The following ANAPC1 variants were observed in gnomAD, a reference collection of about 807,000 sequenced individuals.
The protein encoded by ANAPC1 is anaphase-promoting complex subunit 1.
Under a neutral mutation model 208.0 loss-of-function variants are expected in ANAPC1, and 36 were observed. The ratio of observed to expected loss-of-function variants is 0.17; its 90% CI spans 0.13 to 0.23. The LOEUF (loss-of-function observed/expected upper bound fraction) is 0.23. Ranked by LOEUF, ANAPC1 falls within the 10% of genes least tolerant of loss-of-function variation. ANAPC1 has a pLI of 1.00. For missense variants in ANAPC1, 942 were observed against 2,011.6 expected, an observed-to-expected ratio of 0.47 and a Z score of 10.17; for synonymous variants, 378 against 695.2, an observed-to-expected ratio of 0.54 and a Z score of 7.18.
intron 46 of ANAPC1, among the ~76,000 whole-genome samples, chr2:111,776,009 T>G (rs1370622585): frequency 6.6e-6 from 1 of 152,042 alleles, no homozygotes; most frequent in Non-Finnish European, 1.5e-5. Context: ...TTTAATTTTT[T>G]TCAGAAATTT....
chr2:111,851,418 T>G (rs973491955), intron 13 of ANAPC1, among the ~76,000 whole-genome samples: 10 of 152,100 alleles, frequency 6.6e-5, no homozygotes, highest in Non-Finnish European at 1.0e-4. Context: ...CTGAAGACTT[T>G]TTTTTGCAGG....
intron 17 of ANAPC1, among the ~76,000 whole-genome samples, chr2:111,841,988 T>C (rs1048874755): frequency 2.6e-5 from 4 of 152,216 alleles, no homozygotes; most frequent in Admixed American, 2.6e-4. Context: ...TGGGAACCCC[T>C]TTCCAAACAT....
rs1180333720 is a variant in ANAPC1, at chr2:111,824,240, CAAA to C, written c.2812+723_2812+725del. ...TTATTGTCATTTTTAAGGTAAAATG[CAAA>C]AAAAAAAAAAAAAAACCTGTCAGAA... On this transcript the variant is annotated intron_variant, in intron 24 of 47. Coordinates refer to ENST00000341068, the MANE Select transcript of ANAPC1 (RefSeq NM_022662.4). Among the ~76,000 whole-genome samples the C allele has an allele frequency of 1.3e-4, 9 of 71,260 alleles. No individual in the cohort carries two copies. The South Asian group carries it at 1.8e-3, about 14-fold the overall frequency. The allele number at this position is 71,260 out of a possible 152,430, so 46.7% of individuals were successfully genotyped here.
At chr2:111,881,210 A>G (rs1173605510) in intron 1 of ANAPC1, among the ~76,000 whole-genome samples, 1 of 152,158 alleles carries the variant, frequency 6.6e-6, no homozygotes, top group Non-Finnish European at 1.5e-5. Context: ...ATGGCTTTTC[A>G]ACATTTAAGG....
chr2:111,819,902 A>T (rs1679428787), intron 26 of ANAPC1, among the ~76,000 whole-genome samples: 3 of 152,252 alleles, frequency 2.0e-5, no homozygotes, highest in Admixed American at 2.0e-4. Flanking sequence ...CAACCGCAAC[A>T]TTAATTTGGG....
At position 111,823,178 on chromosome 2, in the gene ANAPC1, T is replaced by C. The variant is rs563856720; in HGVS notation, c.2813-578A>G. On this transcript the variant is annotated intron_variant, in intron 24 of 47. Transcript: ENST00000341068. ...GCGCCCGCCACCATGCCCGGCTAAT[T>C]TTTTTTGTAATTTTTTTTTTAGTAG... Among the ~76,000 whole-genome samples, 7 of 150,248 alleles carry C rather than the reference T, an allele frequency of 4.7e-5. No individual in the cohort carries two copies. In the East Asian group the frequency reaches 1.4e-3, roughly 29 times the overall value.
chr2:111,830,972 T>C (rs1680096023), intron 21 of ANAPC1, among the ~76,000 whole-genome samples: 1 of 152,186 alleles, frequency 6.6e-6, no homozygotes. Context: ...TTACAATTGC[T>C]AAAAACTGAA....
At chr2:111,790,953 T>C (rs867846130) in intron 38 of ANAPC1, among the ~76,000 whole-genome samples, 2 of 152,220 alleles carry the variant, frequency 1.3e-5, no homozygotes, top group South Asian at 2.1e-4. Flanking sequence ...GGCTATAGAA[T>C]GTCAGTTTTG....
chr2:111,844,816 G>A (rs1344375778), intron 16 of ANAPC1, among the ~76,000 whole-genome samples: 1 of 152,132 alleles, frequency 6.6e-6, no homozygotes, highest in Non-Finnish European at 1.5e-5. Flanking sequence ...TCTTAAAAGG[G>A]TTAAGAGTTA....
intron 2 of ANAPC1, among the ~76,000 whole-genome samples, 163 bp from the exon 3 acceptor site, chr2:111,879,134 T>C (rs1161836312): frequency 6.6e-6 from 1 of 152,218 alleles, no homozygotes; most frequent in Non-Finnish European, 1.5e-5. Flanking sequence ...TGCATTACAC[T>C]ACAGAATTAC....
intron 8 of ANAPC1, among the ~76,000 whole-genome samples, chr2:111,864,329 AGATGATGATGAT>A (rs200879980): frequency 2.1e-4 from 23 of 110,718 alleles, no homozygotes; most frequent in Admixed American, 3.2e-4. Context: ...CTGTCTCTAG[AGATGATGATGAT>A]GATGATGATG....
In ANAPC1 at chr2:111,793,229, C is replaced by CT. The variant is rs552191292; in HGVS notation, c.4519-675dup. On this transcript the variant is annotated intron_variant, in intron 37 of 47. Coordinates refer to ENST00000341068, the MANE Select transcript of ANAPC1 (RefSeq NM_022662.4). ...CTTCACTCACAAAAAAAAGTTGTTT[C>CT]TTTTTTGTTGTTGTTGTTTTTTTTG... Among the ~76,000 whole-genome samples the CT allele has an allele frequency of 2.1e-4, 32 of 151,338 alleles. 1 individual carries two copies. The South Asian group carries it at 6.7e-3, about 32-fold the overall frequency.
chr2:111,872,479 A>G (rs1432216668), intron 6 of ANAPC1, 151 bp downstream of exon 6: 3 of 587,552 alleles, frequency 5.1e-6, no homozygotes, highest in African/African-American at 3.9e-5. Flanking sequence ...GATCAGGGAT[A>G]CTCAACTTGT....
In ANAPC1 at chr2:111,833,276, T is replaced by C. The variant is rs774430369; in HGVS notation, c.2420A>G (p.Tyr807Cys). ...TCTGACAAGCGTTGGGTAGTCTCTATAGTAATGATCTACATAAGGCCCCAA... is the reference window on the plus strand; with the variant it reads ...TCTGACAAGCGTTGGGTAGTCTCTACAGTAATGATCTACATAAGGCCCCAA... ...LKLGPYVDHY[Y>C]RDYPTLVRTT... Residue 807 changes from tyrosine to cysteine, a missense_variant, in exon 20 of 48, where the codon TAT becomes TGT. Physicochemically the swap from Tyr to Cys is radical, Grantham distance 194. Transcript: ENST00000341068. 5.6e-6 allele frequency: 9 copies of C among 1,600,380 alleles called. No individual in the cohort carries two copies. The highest frequency in any genetic ancestry group is 1.3e-5 in the African/African-American group (1 of 74,762).
chr2:111,882,622 A>G (rs1228525072), intron 1 of ANAPC1, among the ~76,000 whole-genome samples: 1 of 151,870 alleles, frequency 6.6e-6, no homozygotes, highest in African/African-American at 2.4e-5. Context: ...CTGTAATCCC[A>G]GCTACTTGGG....
intron 17 of ANAPC1, 30 bp downstream of exon 17, chr2:111,843,382 C>T (rs781122410): frequency 1.2e-6 from 2 of 1,609,272 alleles, no homozygotes; most frequent in East Asian, 4.5e-5. Flanking sequence ...AACAGAATAA[C>T]TCATAAAGAA....
In ANAPC1 at chr2:111,870,364, T is replaced by C. The variant is rs1390578291; in HGVS notation, c.611+2266A>G. ...GTATAAGCATTCCCCTTCCACCACA[T>C]CCATGCCAACATCTATTGTTTTTCT... is the stretch of plus-strand genomic sequence containing the variant. On this transcript the variant is annotated intron_variant, in intron 6 of 47. Transcript: ENST00000341068. 2.0e-5 allele frequency among the ~76,000 whole-genome samples: 3 copies of C among 152,206 alleles called. No individual in the cohort carries two copies. In the East Asian group the frequency reaches 5.8e-4, roughly 29 times the overall value.
chr2:111,784,295 A>G (rs1288829800), intron 41 of ANAPC1, 28 bp downstream of exon 41: 1 of 1,613,886 alleles, frequency 6.2e-7, no homozygotes, highest in Non-Finnish European at 8.5e-7. Context: ...GACCCCTTGG[A>G]CCCAACTCCC....
At chr2:111,826,189 C>T (rs1457427112) in intron 21 of ANAPC1, among the ~76,000 whole-genome samples, 1 of 152,188 alleles carries the variant, frequency 6.6e-6, no homozygotes, top group Non-Finnish European at 1.5e-5. Flanking sequence ...CACCTAGCTA[C>T]ATAATTGAAG....
Sources: gnomAD v4.1 joint callset for allele counts (sites outside exome capture counted in the v4.1 genomes callset) on GRCh38, gnomAD v4.1.1 for gene constraint, MANE v1.5 for transcripts, NCBI Gene and HGNC (gene_info 2026-07-23, HGNC 2026-07-21) for gene names.